Variants in CDH18 observed in about 807,000 individuals in gnomAD.
CDH18 encodes the protein cadherin-18.
Under a neutral mutation model 67.9 loss-of-function variants are expected in CDH18, and 31 were observed. The ratio of observed to expected loss-of-function variants is 0.46; its 90% CI spans 0.34 to 0.62. The LOEUF is 0.62. Ranked by LOEUF, CDH18 falls within the 20% of genes least tolerant of loss-of-function variation. CDH18 has a pLI of 0.01. For missense variants in CDH18, 890 were observed against 975.5 expected (o/e 0.91, Z 1.17); for synonymous variants, 362 against 347.2 (o/e 1.04, Z -0.48).
chr5:20,525,931 TA>T (rs1756026321), intron 1 of CDH18, among the ~76,000 whole-genome samples: 1 of 152,096 alleles, frequency 6.6e-6, no homozygotes, highest in African/African-American at 2.4e-5. Flanking sequence ...TCTCTGAATT[TA>T]AAGAAAAAAC....
chr5:20,527,653 C>T (rs1756150100), intron 1 of CDH18, among the ~76,000 whole-genome samples: 1 of 152,026 alleles, frequency 6.6e-6, no homozygotes, highest in Admixed American at 6.6e-5. Flanking sequence ...TCATATCCAG[C>T]CAAACTCAGC....
At position 20,131,056 on chromosome 5, in the gene CDH18, T is replaced by C. The variant is rs192190194; in HGVS notation, c.-518+124388A>G. ...ACTTCAAAACAAAAATCACTTCATA[T>C]CATTTAAAAAATTTTTTACCTTATA... On this transcript the variant is annotated intron_variant, in intron 2 of 14. Coordinates refer to the CDH18 transcript ENST00000507958. 2.3e-3 allele frequency among the ~76,000 whole-genome samples: 357 copies of C among 152,180 alleles called. 1 individual carries two copies. Among genetic ancestry groups the C allele is most frequent in the African/African-American group, 8.0e-3 (334 of 41,552 alleles).
rs1416335031 is a variant in CDH18, at chr5:20,183,477, G to C, written c.-518+71967C>G. On this transcript the variant is annotated intron_variant, in intron 2 of 14. Coordinates refer to the CDH18 transcript ENST00000507958. Reference sequence around the variant, plus strand: ...TACCATTTTATCTTAGTCATGGCTAGAATAGGCAACGATATTCTCCAAATA... The same window carrying C: ...TACCATTTTATCTTAGTCATGGCTACAATAGGCAACGATATTCTCCAAATA... Among the ~76,000 whole-genome samples, 6 of 151,740 alleles carry C rather than the reference G, an allele frequency of 4.0e-5. No homozygotes were observed. The East Asian group carries it at 1.2e-3, about 30-fold the overall frequency.
At chr5:20,480,756 A>T (rs2150254474) in intron 1 of CDH18, among the ~76,000 whole-genome samples, 2 of 152,210 alleles carry the variant, frequency 1.3e-5, no homozygotes, top group South Asian at 2.1e-4. Flanking sequence ...TTGTTTTTTC[A>T]ATCAGCATTA....
intron 1 of CDH18, among the ~76,000 whole-genome samples, chr5:20,365,455 A>G (rs946542160): frequency 2.0e-5 from 3 of 152,160 alleles, no homozygotes; most frequent in Admixed American, 1.3e-4. Flanking sequence ...ACAAGCCTCC[A>G]TTACTGATAT....
chr5:20,079,125 T>C (rs997490865), intron 2 of CDH18, among the ~76,000 whole-genome samples: 14 of 152,148 alleles, frequency 9.2e-5, no homozygotes, highest in Non-Finnish European at 2.1e-4. Context: ...TCATTAACTA[T>C]AGTCACCACG....
chr5:19,528,542 C>T (rs940254235), intron 9 of CDH18, among the ~76,000 whole-genome samples: 1 of 151,482 alleles, frequency 6.6e-6, no homozygotes, highest in Admixed American at 6.6e-5. Flanking sequence ...TATTGAAATG[C>T]ATAATTATTC....
chr5:20,077,433 C>A (rs555859254), intron 2 of CDH18, among the ~76,000 whole-genome samples: 1 of 152,170 alleles, frequency 6.6e-6, no homozygotes, highest in African/African-American at 2.4e-5. Context: ...GAATATACCC[C>A]TTCAGTGAAC....
In CDH18 at chr5:19,638,977, GTTTTTTT is replaced by G. The variant is rs34631530; in HGVS notation, c.644-26383_644-26377del. Among the ~76,000 whole-genome samples, 496 of 54,728 alleles carry G rather than the reference GTTTTTTT, an allele frequency of 9.1e-3. 4 individuals are homozygous for G. The highest frequency in any genetic ancestry group is 0.049 in the South Asian group (47 of 964). 35.9% of individuals were successfully genotyped at this position (54,728 alleles called of 152,430 possible). On this transcript the variant is annotated intron_variant, in intron 5 of 12. Coordinates refer to ENST00000382275, the MANE Select transcript of CDH18 (RefSeq NM_004934.5). ...GATCGCTGGGAAGTTTTTTGTTGCT[GTTTTTTT>G]TTTTTTTTTTTTTTTTTTTTGTTTG...
At chr5:19,549,993 G>T (rs1394162950) in intron 8 of CDH18, among the ~76,000 whole-genome samples, 1 of 152,096 alleles carries the variant, frequency 6.6e-6, no homozygotes, top group Non-Finnish European at 1.5e-5. Flanking sequence ...AGATCATCCA[G>T]AGAGTATGGA....
At chr5:20,080,901 T>A (rs1000748401) in intron 2 of CDH18, among the ~76,000 whole-genome samples, 4 of 152,154 alleles carry the variant, frequency 2.6e-5, no homozygotes. Context: ...CTCTTTCTAC[T>A]CTTTCCTAAG....
intron 1 of CDH18, among the ~76,000 whole-genome samples, chr5:20,524,281 G>A (rs550142515): frequency 1.3e-5 from 2 of 152,216 alleles, no homozygotes; most frequent in East Asian, 3.9e-4. Flanking sequence ...ATTATAATTA[G>A]TTTTCTTAGA....
chr5:20,498,051 T>C (rs1470337656), intron 1 of CDH18, among the ~76,000 whole-genome samples: 1 of 152,128 alleles, frequency 6.6e-6, no homozygotes, highest in Non-Finnish European at 1.5e-5. Flanking sequence ...AGAGATCAAA[T>C]CTGCCAGTAA....
At chr5:20,154,020 A>G (rs1235359269) in intron 2 of CDH18, among the ~76,000 whole-genome samples, 2 of 152,154 alleles carry the variant, frequency 1.3e-5, no homozygotes, top group Non-Finnish European at 2.9e-5. Flanking sequence ...CCTGAAATAC[A>G]CAAGGATAGA....
chr5:20,218,795 T>G (rs372024154), intron 2 of CDH18, among the ~76,000 whole-genome samples: 419 of 152,064 alleles, frequency 2.8e-3, no homozygotes, highest in African/African-American at 9.3e-3. Flanking sequence ...CCCAGCCAAG[T>G]GGAACTTAAG....
At chr5:19,491,146 T>G (rs1021605124) in intron 11 of CDH18, among the ~76,000 whole-genome samples, 19 of 152,188 alleles carry the variant, frequency 1.2e-4, no homozygotes, top group Non-Finnish European at 1.9e-4. Flanking sequence ...AGTATTTGAC[T>G]GATAGGAGAA....
chr5:19,518,410 A>G (rs1746363398), intron 10 of CDH18, among the ~76,000 whole-genome samples: 3 of 152,256 alleles, frequency 2.0e-5, no homozygotes, highest in East Asian at 1.9e-4. Flanking sequence ...TGAAGGATGC[A>G]AAGCATTGTT....
chr5:19,856,716 T>A (rs6890729), intron 2 of CDH18, among the ~76,000 whole-genome samples: 109 of 144,302 alleles, frequency 7.6e-4, no homozygotes, highest in African/African-American at 2.6e-3. Context: ...AAAAAAAAAA[T>A]AAAAATCTGC....
intron 1 of CDH18, among the ~76,000 whole-genome samples, chr5:20,409,471 T>A (rs931359322): frequency 6.6e-6 from 1 of 151,230 alleles, no homozygotes; most frequent in African/African-American, 2.4e-5. Flanking sequence ...TTGATAACAA[T>A]TTTTTAAAAA....
Sources: allele counts gnomAD v4.1 joint callset (sites outside exome capture counted in the v4.1 genomes callset), GRCh38; gene constraint gnomAD v4.1.1; transcripts MANE v1.5; gene names NCBI Gene and HGNC (gene_info 2026-07-23, HGNC 2026-07-21).